The following MINK1 variants were observed in gnomAD, a reference collection of about 807,000 sequenced individuals.
MINK1 encodes misshapen-like kinase 1.
In MINK1, 46 loss-of-function variants were observed where a neutral mutation model predicts 178.4. The ratio of observed to expected loss-of-function variants is 0.26; its 90% CI spans 0.20 to 0.33. MINK1 has a LOEUF of 0.33. Among genes scored for constraint, MINK1 ranks in the 10% least tolerant of loss-of-function variants. The pLI is 1.00. For synonymous variants in MINK1, 797 were observed against 709.7 expected (o/e 1.12, Z -1.96); for missense variants, 1,366 against 1,814.9 (o/e 0.75, Z 4.49).
chr17:4,844,360 G>T (rs1157405385), intron 1 of MINK1, among the ~76,000 whole-genome samples: 1 of 152,034 alleles, frequency 6.6e-6, no homozygotes, highest in African/African-American at 2.4e-5. Flanking sequence ...AGGCTTTGTG[G>T]GCTTACTGAG....
At chr17:4,857,081 G>A (rs894624070) in intron 1 of MINK1, 7 of 189,074 alleles carry the variant, frequency 3.7e-5, no homozygotes, top group Middle Eastern at 6.1e-4. Flanking sequence ...CGGCTGCCAG[G>A]CCACTCAGGC....
At chr17:4,851,999 CAAAAAAAAAA>C (rs535581252) in intron 1 of MINK1, among the ~76,000 whole-genome samples, 7 of 69,446 alleles carry the variant, frequency 1.0e-4, no homozygotes, top group African/African-American at 4.5e-4. Flanking sequence ...GACTCTGTCT[CAAAAAAAAAA>C]AAAAAAAAAA....
rs76378292 is a variant in MINK1, at chr17:4,886,936, T to TC, written c.950-172dup. 0.11 allele frequency among the ~76,000 whole-genome samples: 16,998 copies of TC among 152,158 alleles called. 1,060 individuals are homozygous for TC. Among genetic ancestry groups the TC allele is most frequent in the African/African-American group, 0.17 (6,891 of 41,510 alleles). ...CAGCTGCCCTGGGACCCAGTCCCGG[T>TC]CCTGTCCAGGCCCACACCTGAGACC... On this transcript the variant is annotated intron_variant, in intron 10 of 31. Transcript: ENST00000355280. The surrounding 1 kb of genome is among the most constrained non-coding windows in gnomAD (Gnocchi z 6.1).
rs574563765 is a variant in MINK1, at chr17:4,842,377, T to C, written c.57+8737T>C. ...ACCTCTCATGAACTTGTTATGGACATGGGAGAGACCCGGGGAGGGACTGGA... is the reference window on the plus strand; with the variant it reads ...ACCTCTCATGAACTTGTTATGGACACGGGAGAGACCCGGGGAGGGACTGGA... On this transcript the variant is annotated intron_variant, in intron 1 of 31. Coordinates refer to ENST00000355280, the MANE Select transcript of MINK1 (RefSeq NM_153827.5). 2.6e-5 allele frequency among the ~76,000 whole-genome samples: 4 copies of C among 152,274 alleles called. No individual in the cohort carries two copies. In the South Asian group the frequency reaches 8.3e-4, roughly 32 times the overall value.
chr17:4,895,709 A>G lies in MINK1; in HGVS notation c.3241A>G (p.Lys1081Glu). The G allele has an allele frequency of 6.2e-7, 1 of 1,613,482 alleles. No individual in the cohort carries two copies. The highest frequency in any genetic ancestry group is 8.5e-7 in the Non-Finnish European group (1 of 1,179,698). Reference protein sequence around the residue: ...LLITISGKRNKLRVYYLSWLR... With the variant: ...LLITISGKRNELRVYYLSWLR... Reference sequence around the variant, plus strand: ...TGTCCGTCCCTCAGGGAAAAGGAACAAACTGCGGGTGTATTACCTGTCCTG... The same window carrying G: ...TGTCCGTCCCTCAGGGAAAAGGAACGAACTGCGGGTGTATTACCTGTCCTG... The change falls in exon 27 of 32, where the codon AAA becomes GAA. Residue 1081 changes from lysine (K) to glutamate (E), a missense_variant. By Grantham distance (56) the Lys-to-Glu change is moderately conservative (BLOSUM62 1). This residue lies in a region of MINK1 where 77 missense variants were observed against 119.5 expected (regional missense o/e 0.64). Coordinates refer to ENST00000355280, the MANE Select transcript of MINK1 (RefSeq NM_153827.5). The surrounding 1 kb of genome is among the most constrained non-coding windows in gnomAD (Gnocchi z 4.3).
Position 4,886,739 on chromosome 17 carries a change from T to G in MINK1, c.949+113T>G. 1 of 1,203,008 alleles carries G rather than the reference T, an allele frequency of 8.3e-7. No individual in the cohort carries two copies. 74.5% of individuals were successfully genotyped at this position (1,203,008 alleles called of 1,614,324 possible). A position where few individuals can be genotyped will look rare whatever the true frequency, so the allele number is the denominator to read the frequency against. On this transcript the variant is annotated intron_variant, in intron 10 of 31. Coordinates refer to ENST00000355280, the MANE Select transcript of MINK1 (RefSeq NM_153827.5). This position sits in a 1 kb window ranked among gnomAD's most constrained non-coding sequence, Gnocchi z 6.1. Reference sequence around the variant, plus strand: ...TCCTGCTCCCCTCCTTGGCCCCAGCTCTCCCTGTCCAAGGAGATCGTTCTC... The same window carrying G: ...TCCTGCTCCCCTCCTTGGCCCCAGCGCTCCCTGTCCAAGGAGATCGTTCTC...
Position 4,896,125 on chromosome 17 carries a change from A to G in MINK1, c.3465+22A>G, listed in dbSNP as rs759449514. On this transcript the variant is annotated intron_variant, in intron 28 of 31. Coordinates refer to ENST00000355280, the MANE Select transcript of MINK1 (RefSeq NM_153827.5). This position sits in a 1 kb window ranked among gnomAD's most constrained non-coding sequence, Gnocchi z 4.6. ...CAAGGTAATCCCAGCCTCGGTCCCT[A>G]ACACCATCTGGAGTCCCAGCGCCTC... The G allele has an allele frequency of 6.2e-7, 1 of 1,606,818 alleles. No individual in the cohort carries two copies. Among genetic ancestry groups the G allele is most frequent in the Admixed American group, 1.7e-5 (1 of 58,636 alleles).
At chr17:4,865,082 ATTTTTATCTTTACT>A (rs145002137) in intron 1 of MINK1, among the ~76,000 whole-genome samples, 8,964 of 152,116 alleles carry the variant, frequency 0.059, 822 homozygotes, top group African/African-American at 0.2. Context: ...ATACGTTTTT[ATTTTTATCTTTACT>A]TTTTTATCTT....
intron 1 of MINK1, among the ~76,000 whole-genome samples, chr17:4,845,813 G>C (rs1910933678): frequency 6.6e-6 from 1 of 152,130 alleles, no homozygotes; most frequent in African/African-American, 2.4e-5. Context: ...GCTAATTTTT[G>C]TATTTTTAGT....
At position 4,894,593 on chromosome 17, in the gene MINK1, C is replaced by A; in HGVS notation, c.2877C>A (p.Ile959=). 6.2e-7 allele frequency: 1 copy of A among 1,609,210 alleles called. No individual in the cohort carries two copies. The highest frequency in any genetic ancestry group is 1.1e-5 in the South Asian group (1 of 89,940). ...SSFTMFVDLG[I]YQPGGSGDSI... Reference sequence around the variant, plus strand: ...TCACGATGTTTGTGGATCTAGGGATCTACCAGCCTGGAGGCAGTGGGGACA... The same window carrying A: ...TCACGATGTTTGTGGATCTAGGGATATACCAGCCTGGAGGCAGTGGGGACA... Residue 959 remains isoleucine, a synonymous_variant, in exon 24 of 32, where the codon ATC becomes ATA. Transcript: ENST00000355280. This position sits in a 1 kb window ranked among gnomAD's most constrained non-coding sequence, Gnocchi z 4.1.
intron 15 of MINK1, 81 bp downstream of exon 15, chr17:4,891,205 C>CACACACAT: frequency 4.3e-6 from 2 of 465,822 alleles, no homozygotes; most frequent in Non-Finnish European, 7.3e-6. Flanking sequence ...CGCGCGCACA[C>CACACACAT]ACACACACAC....
chr17:4,891,877 AC>A (rs1968855063), intron 16 of MINK1, among the ~76,000 whole-genome samples, 161 bp downstream of exon 16: 1 of 152,186 alleles, frequency 6.6e-6, no homozygotes. Flanking sequence ...TGAGGACGCG[AC>A]GTGGAGGGGT....
At chr17:4,845,174 G>A (rs1042948432) in intron 1 of MINK1, among the ~76,000 whole-genome samples, 1 of 152,116 alleles carries the variant, frequency 6.6e-6, no homozygotes, top group African/African-American at 2.4e-5. Flanking sequence ...AGCCAACCCA[G>A]AACACAACCC....
intron 1 of MINK1, among the ~76,000 whole-genome samples, chr17:4,837,749 A>C (rs1909529432): frequency 6.6e-6 from 1 of 152,222 alleles, no homozygotes; most frequent in South Asian, 2.1e-4. Context: ...TTTACCATCC[A>C]GCTCGAAGTT....
At chr17:4,893,658 G>GTT in intron 21 of MINK1, 61 bp downstream of exon 21, 1 of 1,485,790 alleles carries the variant, frequency 6.7e-7, no homozygotes, top group Non-Finnish European at 9.0e-7. Flanking sequence ...GGAAGTGGCA[G>GTT]TGGGGAAGAG....
intron 1 of MINK1, chr17:4,847,113 T>C (rs1911156689): frequency 6.5e-6 from 3 of 459,712 alleles, no homozygotes; most frequent in Non-Finnish European, 1.3e-5. Flanking sequence ...TCTAAAGAGC[T>C]GTCAGTGGGA....
Position 4,881,119 on chromosome 17 carries a change from C to T in MINK1, c.181-13C>T. On this transcript the variant is annotated splice_polypyrimidine_tract_variant and intron_variant, in intron 3 of 31. Transcript: ENST00000355280. Reference sequence around the variant, plus strand: ...GGGGGAGTCTCAGGGCTCAGCTCCTCCCATCTGCTTAGGACGAGGAGGAAG... The same window carrying T: ...GGGGGAGTCTCAGGGCTCAGCTCCTTCCATCTGCTTAGGACGAGGAGGAAG... 3.3e-6 allele frequency: 5 copies of T among 1,537,158 alleles called. No individual in the cohort carries two copies. Among genetic ancestry groups the T allele is most frequent in the Non-Finnish European group, 4.4e-6 (5 of 1,146,862 alleles).
At chr17:4,844,074 C>T (rs192693226) in intron 1 of MINK1, among the ~76,000 whole-genome samples, 181 of 152,264 alleles carry the variant, frequency 1.2e-3, no homozygotes, top group Non-Finnish European at 1.5e-3. Flanking sequence ...GCGATCTAGG[C>T]TCACTGCAAC....
chr17:4,887,856 G>A lies in MINK1; in HGVS notation c.1230+66G>A. On this transcript the variant is annotated intron_variant, in intron 12 of 31. Transcript: ENST00000355280. The surrounding 1 kb of genome is among the most constrained non-coding windows in gnomAD (Gnocchi z 7.6). ...TCCTGACCTGCCCCGGGTCCATTAG[G>A]GCCTTGGAGAACAGGTTTTAAAATG... The A allele has an allele frequency of 7.7e-7, 1 of 1,306,590 alleles. No individual in the cohort carries two copies. The highest frequency in any genetic ancestry group is 1.0e-6 in the Non-Finnish European group (1 of 992,474). 80.9% of individuals were successfully genotyped at this position (1,306,590 alleles called of 1,614,324 possible). A position where few individuals can be genotyped will look rare whatever the true frequency, so the allele number is the denominator to read the frequency against.
Sources: gnomAD v4.1 joint callset for allele counts (sites outside exome capture counted in the v4.1 genomes callset) on GRCh38, gnomAD v4.1.1 for gene constraint, gnomAD v4.1.1 regional missense constraint, Gnocchi (gnomAD v3.1) non-coding constraint, MANE v1.5 for transcripts, NCBI Gene and HGNC (gene_info 2026-07-23, HGNC 2026-07-21) for gene names.